The following ZBTB7C variants were observed in gnomAD, a reference collection of about 807,000 sequenced individuals.
ZBTB7C encodes zinc finger and BTB domain containing 7C.
A neutral mutation model predicts 25.7 loss-of-function variants in ZBTB7C; 8 were observed. The observed-to-expected ratio is 0.31, with a 90% confidence interval of 0.18 to 0.56. ZBTB7C has a LOEUF of 0.56. Ranked by LOEUF, ZBTB7C falls within the 20% of genes least tolerant of loss-of-function variation. ZBTB7C has a pLI of 0.91. For missense variants in ZBTB7C, 824 were observed against 855.2 expected, an observed-to-expected ratio of 0.96 and a Z score of 0.46; for synonymous variants, 394 against 369.0, an observed-to-expected ratio of 1.07 and a Z score of -0.78.
intron 3 of ZBTB7C, among the ~76,000 whole-genome samples, chr18:48,173,737 G>T (rs893966166): frequency 6.6e-6 from 1 of 152,174 alleles, no homozygotes; most frequent in East Asian, 1.9e-4. Flanking sequence ...TCCTTGTCCT[G>T]GCCCTGCCCC....
chr18:48,169,131 A>G (rs187370398), intron 3 of ZBTB7C, among the ~76,000 whole-genome samples: 388 of 152,308 alleles, frequency 2.5e-3, no homozygotes, highest in Non-Finnish European at 3.3e-3. Context: ...GAAAGGTAAG[A>G]AAGTGCACTG....
At chr18:48,068,904 G>C (rs1252320355) in intron 3 of ZBTB7C, among the ~76,000 whole-genome samples, 1 of 152,230 alleles carries the variant, frequency 6.6e-6, no homozygotes, top group African/African-American at 2.4e-5. Flanking sequence ...CCTCTCAGGA[G>C]GGGGCCGAGG....
chr18:48,133,998 C>T (rs1374291534), intron 3 of ZBTB7C, among the ~76,000 whole-genome samples: 1 of 151,746 alleles, frequency 6.6e-6, no homozygotes, highest in East Asian at 1.9e-4. Flanking sequence ...CCTTATCAAG[C>T]TGATAATCTC....
chr18:48,396,013 G>A (rs536948684), intron 1 of ZBTB7C, among the ~76,000 whole-genome samples: 89 of 152,304 alleles, frequency 5.8e-4, no homozygotes, highest in African/African-American at 2.0e-3. Flanking sequence ...GCAAAGCAAC[G>A]GGGGTAGAAC....
chr18:48,290,812 C>T (rs2045205895), intron 2 of ZBTB7C, among the ~76,000 whole-genome samples: 1 of 152,252 alleles, frequency 6.6e-6, no homozygotes, highest in African/African-American at 2.4e-5. Context: ...ACCCCTCCTG[C>T]CACCTCCCTA....
chr18:48,184,060 C>T (rs2041994833), intron 3 of ZBTB7C, among the ~76,000 whole-genome samples: 1 of 152,158 alleles, frequency 6.6e-6, no homozygotes, highest in Admixed American at 6.5e-5. Flanking sequence ...AAATGAAGCC[C>T]TCCAGCATCT....
intron 1 of ZBTB7C, among the ~76,000 whole-genome samples, chr18:48,342,263 A>T (rs1163102455): frequency 6.6e-6 from 1 of 152,232 alleles, no homozygotes; most frequent in Non-Finnish European, 1.5e-5. Context: ...ACTCAAAGGC[A>T]GCACATGTGA....
intron 1 of ZBTB7C, among the ~76,000 whole-genome samples, chr18:48,368,689 G>T (rs931863624): frequency 2.0e-5 from 3 of 152,256 alleles, no homozygotes; most frequent in Admixed American, 1.3e-4. Context: ...TCTTGAAAAC[G>T]TTCAGAGAGA....
At chr18:48,059,607 T>C (rs527824442) in intron 3 of ZBTB7C, among the ~76,000 whole-genome samples, 140 of 152,294 alleles carry the variant, frequency 9.2e-4, no homozygotes, top group Admixed American at 8.4e-3. Context: ...CACTTCTTAC[T>C]ACACTGACTG....
At chr18:48,306,833 AC>A (rs2045686384) in intron 2 of ZBTB7C, among the ~76,000 whole-genome samples, 1 of 152,132 alleles carries the variant, frequency 6.6e-6, no homozygotes, top group Admixed American at 6.5e-5. Context: ...CTAGATTAAA[AC>A]CCAACAAGAA....
At chr18:48,321,395 G>A (rs1480840164) in intron 2 of ZBTB7C, among the ~76,000 whole-genome samples, 1 of 152,202 alleles carries the variant, frequency 6.6e-6, no homozygotes, top group Non-Finnish European at 1.5e-5. Flanking sequence ...GGTAGAGCAT[G>A]TACCCACCTA....
chr18:48,039,400 C>T (rs909855303), intron 4 of ZBTB7C, among the ~76,000 whole-genome samples: 1 of 152,226 alleles, frequency 6.6e-6, no homozygotes, highest in Non-Finnish European at 1.5e-5. Flanking sequence ...ACAAAGTCAA[C>T]CACGTCTCCC....
intron 3 of ZBTB7C, among the ~76,000 whole-genome samples, chr18:48,141,808 C>T (rs774152964): frequency 2.6e-5 from 4 of 152,226 alleles, no homozygotes; most frequent in Non-Finnish European, 5.9e-5. Flanking sequence ...TGCCAAGCCT[C>T]TTCCTTCGTG....
rs534097671 is a variant in ZBTB7C, at chr18:48,300,121, C to T, written c.-79+38053G>A. 5.3e-5 allele frequency among the ~76,000 whole-genome samples: 8 copies of T among 152,240 alleles called. No homozygotes were observed. In the South Asian group the frequency reaches 1.2e-3, roughly 24 times the overall value. On this transcript the variant is annotated intron_variant, in intron 2 of 4. Coordinates refer to ENST00000590800, the MANE Select transcript of ZBTB7C (RefSeq NM_001318841.2). ...CAAAGCTTGTGGCAGGGCCCAGGAG[C>T]GGAGGTTCTAACTTCATTCTGTATC...
chr18:48,230,048 T>C (rs2043210454), intron 2 of ZBTB7C, among the ~76,000 whole-genome samples: 1 of 152,170 alleles, frequency 6.6e-6, no homozygotes, highest in Non-Finnish European at 1.5e-5. Flanking sequence ...GGGGATTAGT[T>C]TGCATTTTCT....
intron 3 of ZBTB7C, among the ~76,000 whole-genome samples, chr18:48,043,992 G>C (rs937014219): frequency 6.6e-6 from 1 of 152,228 alleles, no homozygotes; most frequent in East Asian, 1.9e-4. Flanking sequence ...AGACCTAGAA[G>C]AGGAGAAGGA....
chr18:48,120,624 TAAA>T (rs1008217061), intron 3 of ZBTB7C, among the ~76,000 whole-genome samples: 3 of 151,446 alleles, frequency 2.0e-5, no homozygotes, highest in Non-Finnish European at 4.4e-5. Context: ...AAAATAAAAA[TAAA>T]AAAGAAGTGG....
chr18:48,292,061 G>T (rs1351505611), intron 2 of ZBTB7C, among the ~76,000 whole-genome samples: 1 of 152,052 alleles, frequency 6.6e-6, no homozygotes, highest in Non-Finnish European at 1.5e-5. Flanking sequence ...AGCTGGGCGT[G>T]GTGGTGGGTG....
At chr18:48,358,756 A>G (rs901002799) in intron 1 of ZBTB7C, among the ~76,000 whole-genome samples, 1 of 152,186 alleles carries the variant, frequency 6.6e-6, no homozygotes, top group Non-Finnish European at 1.5e-5. Flanking sequence ...GAGTGATGCA[A>G]ATGTTTTAAA....
Sources: gnomAD v4.1 joint callset for allele counts (sites outside exome capture counted in the v4.1 genomes callset) on GRCh38, gnomAD v4.1.1 for gene constraint, MANE v1.5 for transcripts, NCBI Gene and HGNC (gene_info 2026-07-23, HGNC 2026-07-21) for gene names.